Variants in OGFOD1 observed in about 807,000 individuals in gnomAD.
OGFOD1 encodes the protein prolyl 3-hydroxylase OGFOD1.
Under a neutral mutation model 67.7 loss-of-function variants are expected in OGFOD1, and 54 were observed. That is an observed-to-expected ratio of 0.80 (90% CI 0.64 to 1.00). The LOEUF is 1.00. Among genes scored for constraint, OGFOD1 ranks in the 50% least tolerant of loss-of-function variants. The pLI, the probability that OGFOD1 is intolerant of heterozygous loss-of-function variation, is 0.00. For synonymous variants in OGFOD1, 221 were observed against 227.0 expected (o/e 0.97, Z 0.24); for missense variants, 606 against 646.7 (o/e 0.94, Z 0.68).
At chr16:56,470,144 C>A in intron 9 of OGFOD1, 62 bp downstream of exon 9, 3 of 1,425,558 alleles carry the variant, frequency 2.1e-6, no homozygotes, top group Admixed American at 1.8e-5. Flanking sequence ...TTTTTTATAA[C>A]TAGTAAAATG....
rs1963578323 is a variant in OGFOD1 at position 56,478,594 on chromosome 16, T to C, written c.*2389T>C. 6.6e-6 allele frequency: 1 copy of C among 152,222 alleles called. No homozygotes were observed. Among genetic ancestry groups the C allele is most frequent in the African/African-American group, 2.4e-5 (1 of 41,454 alleles). 9.4% of individuals were successfully genotyped at this position (152,222 alleles called of 1,614,324 possible). A position where few individuals can be genotyped will look rare whatever the true frequency, so the allele number is the denominator to read the frequency against. On this transcript the variant is annotated 3_prime_UTR_variant, in exon 13 of 13. Coordinates refer to ENST00000566157, the MANE Select transcript of OGFOD1 (RefSeq NM_018233.4). Reference sequence around the variant, plus strand: ...GGAAAAGTGCTTGGGTAGGTGAAACTGTCATGTGTGCCAAGCTTGGAAAAT... The same window carrying C: ...GGAAAAGTGCTTGGGTAGGTGAAACCGTCATGTGTGCCAAGCTTGGAAAAT...
intron 2 of OGFOD1, among the ~76,000 whole-genome samples, chr16:56,456,572 TCTG>T (rs1240809009): frequency 5.3e-5 from 8 of 152,236 alleles, no homozygotes; most frequent in African/African-American, 1.9e-4. Context: ...ATCGTGAAAC[TCTG>T]CTATCTCTAC....
intron 3 of OGFOD1, among the ~76,000 whole-genome samples, chr16:56,461,529 G>T (rs561803480): frequency 6.6e-6 from 1 of 152,308 alleles, no homozygotes; most frequent in African/African-American, 2.4e-5. Flanking sequence ...CAAACCCAAG[G>T]AGGCAGTAGT....
At chr16:56,462,249 A>C (rs1596972039) in intron 3 of OGFOD1, among the ~76,000 whole-genome samples, 1 of 152,222 alleles carries the variant, frequency 6.6e-6, no homozygotes, top group East Asian at 1.9e-4. Flanking sequence ...GCATACTTTA[A>C]ATTTAGGAGA....
intron 2 of OGFOD1, among the ~76,000 whole-genome samples, chr16:56,456,858 A>G (rs1206938718): frequency 6.6e-6 from 1 of 152,232 alleles, no homozygotes; most frequent in African/African-American, 2.4e-5. Flanking sequence ...ATGCTGAAAC[A>G]ACAATGAAAT....
intron 2 of OGFOD1, among the ~76,000 whole-genome samples, chr16:56,454,450 T>G (rs917182100): frequency 3.3e-5 from 5 of 151,740 alleles, no homozygotes; most frequent in Non-Finnish European, 7.4e-5. Flanking sequence ...ATCCGTTCTT[T>G]TTTTTTTTGG....
chr16:56,454,177 G>A (rs909799759), intron 2 of OGFOD1, among the ~76,000 whole-genome samples: 21 of 152,062 alleles, frequency 1.4e-4, no homozygotes, highest in African/African-American at 4.1e-4. Flanking sequence ...GTGAAAACCC[G>A]TCTCTACTAA....
At chr16:56,457,609 C>CT (rs1338282572) in intron 2 of OGFOD1, among the ~76,000 whole-genome samples, 8 of 141,624 alleles carry the variant, frequency 5.6e-5, no homozygotes, top group South Asian at 4.5e-4. Context: ...CTTTTTTTTT[C>CT]TTTTTTTTGC....
chr16:56,474,702 C>A, intron 10 of OGFOD1, 126 bp from the exon 11 acceptor site: 1 of 681,306 alleles, frequency 1.5e-6, no homozygotes, highest in Non-Finnish European at 2.4e-6. Flanking sequence ...AATAGCACTT[C>A]AATCAAAGGT....
In OGFOD1 at chr16:56,475,393, C is replaced by G; in HGVS notation, c.1409-114C>G. The G allele has an allele frequency of 3.2e-6, 3 of 931,998 alleles. No individual in the cohort carries two copies. In the Admixed American group the frequency reaches 5.4e-5, roughly 17 times the overall value. 57.7% of individuals were successfully genotyped at this position (931,998 alleles called of 1,614,324 possible). ...AGCTCATAAGTCATAGAACCAGTTA[C>G]TGCTGAACTCCCAGATCCCCCACTG... On this transcript the variant is annotated intron_variant, in intron 11 of 12. Coordinates refer to ENST00000566157, the MANE Select transcript of OGFOD1 (RefSeq NM_018233.4).
At chr16:56,473,095 T>G (rs548752533) in intron 10 of OGFOD1, among the ~76,000 whole-genome samples, 9 of 152,130 alleles carry the variant, frequency 5.9e-5, no homozygotes, top group African/African-American at 2.2e-4. Flanking sequence ...CACGCCCGGC[T>G]AACGTTTTGT....
At chr16:56,458,357 A>G in intron 2 of OGFOD1, 191 bp from the exon 3 acceptor site, 1 of 612,306 alleles carries the variant, frequency 1.6e-6, no homozygotes, top group Non-Finnish European at 2.9e-6. Flanking sequence ...TGAATAAAGC[A>G]CAGAGGGTAA....
chr16:56,468,122 T>G, intron 8 of OGFOD1, 104 bp downstream of exon 8: 1 of 640,410 alleles, frequency 1.6e-6, no homozygotes, highest in Non-Finnish European at 2.8e-6. Context: ...TGTTCCTGAT[T>G]AGAATGTTTT....
chr16:56,474,704 A>G lies in OGFOD1; in HGVS notation c.1286-124A>G, dbSNP rs1454821442. The G allele has an allele frequency of 1.6e-5, 11 of 698,202 alleles. No individual in the cohort carries two copies. The East Asian group carries it at 2.3e-4, about 15-fold the overall frequency. 43.3% of individuals were successfully genotyped at this position (698,202 alleles called of 1,614,324 possible). A position where few individuals can be genotyped will look rare whatever the true frequency, so the allele number is the denominator to read the frequency against. On this transcript the variant is annotated intron_variant, in intron 10 of 12. Coordinates refer to ENST00000566157, the MANE Select transcript of OGFOD1 (RefSeq NM_018233.4). Reference sequence around the variant, plus strand: ...GCTGGATTGGTAGAATAGCACTTCAATCAAAGGTTTGTGGGAATGGTTTCC... The same window carrying G: ...GCTGGATTGGTAGAATAGCACTTCAGTCAAAGGTTTGTGGGAATGGTTTCC...
intron 10 of OGFOD1, among the ~76,000 whole-genome samples, chr16:56,473,998 G>A (rs1485494104): frequency 2.1e-4 from 32 of 152,156 alleles, no homozygotes; most frequent in Admixed American, 1.5e-3. Context: ...TAGTAGAAAC[G>A]GGGTTTTGCC....
At position 56,466,185 on chromosome 16, in the gene OGFOD1, G is replaced by C; in HGVS notation, c.482G>C (p.Gly161Ala). 6.2e-7 allele frequency: 1 copy of C among 1,614,096 alleles called. No individual in the cohort carries two copies. Among genetic ancestry groups the C allele is most frequent in the Non-Finnish European group, 8.5e-7 (1 of 1,179,998 alleles). ...ALLCHDDELE[G>A]RRIAFILYLV... is the part of the protein sequence containing the mutation. ...CTGTGCCATGATGATGAGCTGGAAG[G>C]GCGCCGGATTGCCTTCATCCTGTAC... Residue 161 changes from glycine (G) to alanine (A), a missense_variant, in exon 5 of 13, where the codon GGG becomes GCG. Coordinates refer to ENST00000566157, the MANE Select transcript of OGFOD1 (RefSeq NM_018233.4).
chr16:56,469,894 C>T (rs1963078470), intron 8 of OGFOD1, 109 bp from the exon 9 acceptor site: 1 of 726,316 alleles, frequency 1.4e-6, no homozygotes, highest in African/African-American at 1.8e-5. Context: ...TCAACTGCAC[C>T]TTTTAGGAAT....
chr16:56,467,126 ATTC>A (rs1962936636), intron 6 of OGFOD1, 36 bp from the exon 7 acceptor site: 39 of 1,613,650 alleles, frequency 2.4e-5, no homozygotes, highest in Non-Finnish European at 3.2e-5. Context: ...TAATCCCCCT[ATTC>A]TTCGTGTTGA....
In OGFOD1 at chr16:56,467,885, A is replaced by T; in HGVS notation, c.787-20A>T. 5 of 1,181,126 alleles carry T rather than the reference A, an allele frequency of 4.2e-6. No homozygotes were observed. Among genetic ancestry groups the T allele is most frequent in the Non-Finnish European group, 6.4e-6 (5 of 784,534 alleles). 73.2% of individuals were successfully genotyped at this position (1,181,126 alleles called of 1,614,324 possible). A position where few individuals can be genotyped will look rare whatever the true frequency, so the allele number is the denominator to read the frequency against. On this transcript the variant is annotated intron_variant, in intron 7 of 12. Coordinates refer to ENST00000566157, the MANE Select transcript of OGFOD1 (RefSeq NM_018233.4). Reference sequence around the variant, plus strand: ...TAGGAATTATTAACTCACATTTTGCATCTGCTGCCTCTTCGTAAGCATGAG... The same window carrying T: ...TAGGAATTATTAACTCACATTTTGCTTCTGCTGCCTCTTCGTAAGCATGAG...
Sources: allele counts gnomAD v4.1 joint callset (sites outside exome capture counted in the v4.1 genomes callset), GRCh38; gene constraint gnomAD v4.1.1; transcripts MANE v1.5; gene names NCBI Gene and HGNC (gene_info 2026-07-23, HGNC 2026-07-21).